Variants in BTN3A3 observed in about 807,000 individuals in gnomAD.
The protein encoded by BTN3A3 is butyrophilin subfamily 3 member A3.
BTN3A3 carries 39 observed loss-of-function variants against 43.2 expected under a neutral mutation model. The ratio of observed to expected loss-of-function variants is 0.90; its 90% CI spans 0.70 to 1.18. The LOEUF (loss-of-function observed/expected upper bound fraction) is 1.18, where lower values mean the gene tolerates loss of function less well. BTN3A3 is among the 50% of genes most tolerant of loss of function. The pLI, the probability that BTN3A3 is intolerant of heterozygous loss-of-function variation, is 0.00. For missense variants in BTN3A3, 631 were observed against 722.8 expected, an observed-to-expected ratio of 0.87 and a Z score of 1.46; for synonymous variants, 255 against 272.7, an observed-to-expected ratio of 0.93 and a Z score of 0.64.
intron 5 of BTN3A3, 59 bp downstream of exon 5, chr6:26,446,044 G>A (rs1386062488): frequency 3.8e-6 from 6 of 1,598,482 alleles, no homozygotes; most frequent in African/African-American, 1.3e-5. Flanking sequence ...TGATGAAGGG[G>A]GATGTGTGAG....
chr6:26,450,251 T>A, intron 10 of BTN3A3, 118 bp downstream of exon 10: 2 of 1,250,500 alleles, frequency 1.6e-6, no homozygotes, highest in Non-Finnish European at 2.3e-6. Flanking sequence ...AAGTTTGGGG[T>A]AGACAACATT....
Position 26,451,656 on chromosome 6 carries a change from C to G in BTN3A3, c.1019-19C>G, listed in dbSNP as rs758679865. On this transcript the variant is annotated intron_variant, in intron 10 of 10. Coordinates refer to ENST00000244519, the MANE Select transcript of BTN3A3 (RefSeq NM_006994.5). ...GAAAAATGGCTGACCCCATGGACAC[C>G]TCCTCAAACTCTCTGCAGCGGATGT... 1 of 1,595,322 alleles carries G rather than the reference C, an allele frequency of 6.3e-7. No individual in the cohort carries two copies. The highest frequency in any genetic ancestry group is 8.5e-7 in the Non-Finnish European group (1 of 1,170,004).
intron 5 of BTN3A3, among the ~76,000 whole-genome samples, chr6:26,446,870 A>G (rs1248832970): frequency 1.3e-5 from 2 of 152,132 alleles, no homozygotes; most frequent in African/African-American, 4.8e-5. Context: ...CTGGGATTAC[A>G]AGCATGCACC....
chr6:26,440,770 CTCTGTG>C (rs1762603057), intron 1 of BTN3A3, 122 bp downstream of exon 1: 1 of 127,374 alleles, frequency 7.9e-6, no homozygotes, highest in Non-Finnish European at 1.6e-5. Context: ...GGTGCAGTGC[CTCTGTG>C]TGTGTGTGTG....
chr6:26,445,280 T>G, intron 4 of BTN3A3: 1 of 179,858 alleles, frequency 5.6e-6, no homozygotes, highest in Admixed American at 5.3e-5. Context: ...TGGCTTCTGG[T>G]TGGGTTTGGT....
At chr6:26,446,855 A>C (rs778036940) in intron 5 of BTN3A3, among the ~76,000 whole-genome samples, 5 of 152,048 alleles carry the variant, frequency 3.3e-5, no homozygotes, top group Non-Finnish European at 5.9e-5. Context: ...CAGCCTCCCC[A>C]GTAGCTGGGA....
intron 8 of BTN3A3, 102 bp downstream of exon 8, chr6:26,448,856 A>T: frequency 7.1e-7 from 1 of 1,404,158 alleles, no homozygotes; most frequent in Non-Finnish European, 1.0e-6. Context: ...GGGTTGAAAA[A>T]TGGTCCTAGA....
intron 5 of BTN3A3, 44 bp from the exon 6 acceptor site, chr6:26,448,204 C>T (rs370475314): frequency 1.3e-6 from 2 of 1,599,218 alleles, no homozygotes; most frequent in Non-Finnish European, 1.7e-6. Flanking sequence ...GCTGGGGAGG[C>T]TGAGTGCACT....
At position 26,452,256 on chromosome 6, in the gene BTN3A3, A is replaced by G. The variant is rs1202424600; in HGVS notation, c.1600A>G (p.Thr534Ala). Residue 534 changes from threonine (T) to alanine (A), a missense_variant, in exon 11 of 11, where the codon ACA becomes GCA. Thr to Ala is a moderately conservative substitution (Grantham distance 58). Coordinates refer to ENST00000244519, the MANE Select transcript of BTN3A3 (RefSeq NM_006994.5). ...CCTAGTGCCTGATCATTCCCTGGAG[A>G]CACCACTGACCCCGGGCTTAGCTAA... The part of the protein sequence containing the change: ...PDLVPDHSLE[T>A]PLTPGLANES... 4 of 1,614,106 alleles carry G rather than the reference A, an allele frequency of 2.5e-6. No homozygotes were observed. The highest frequency in any genetic ancestry group is 1.7e-5 in the Admixed American group (1 of 60,004).
In BTN3A3 at chr6:26,452,151, T is replaced by C. The variant is rs1266458332; in HGVS notation, c.1495T>C (p.Phe499Leu). ...ASFSEPLYPV[F>L]RILTLEPTAL... ...TTTCTCTGAGCCTCTATATCCTGTT[T>C]TCAGAATTTTGACCTTGGAGCCCAC... Residue 499 changes from phenylalanine to leucine, a missense_variant, in exon 11 of 11, where the codon TTC becomes CTC. Phe to Leu is a conservative substitution (Grantham distance 22, BLOSUM62 0). Coordinates refer to ENST00000244519, the MANE Select transcript of BTN3A3 (RefSeq NM_006994.5). 6.2e-7 allele frequency: 1 copy of C among 1,614,140 alleles called. No individual in the cohort carries two copies. Among genetic ancestry groups the C allele is most frequent in the Non-Finnish European group, 8.5e-7 (1 of 1,180,028 alleles).
chr6:26,449,495 T>C, intron 8 of BTN3A3, 167 bp from the exon 9 acceptor site: 1 of 713,678 alleles, frequency 1.4e-6, no homozygotes, highest in Non-Finnish European at 2.4e-6. Context: ...TTCCCAGACT[T>C]GATATTAAGA....
rs566425229 is a variant in BTN3A3 at position 26,451,697 on chromosome 6, C to T, written c.1041C>T (p.Asp347=). The T allele has an allele frequency of 9.3e-6, 15 of 1,612,872 alleles. No individual in the cohort carries two copies. The Admixed American group carries it at 2.3e-4, about 25-fold the overall frequency. The change falls in exon 11 of 11, where the codon GAC becomes GAT. Residue 347 remains aspartate, a synonymous_variant. Transcript: ENST00000244519. ...CAGCGGATGTGATTCTGGATCCAGA[C>T]ACGGCAAACGCCATCCTCCTTGTTT... The part of the protein sequence containing the change: ...FKPADVILDP[D]TANAILLVSE...
In BTN3A3 at chr6:26,448,241, T is replaced by G. The variant is rs1369483309; in HGVS notation, c.716-7T>G. On this transcript the variant is annotated splice_region_variant and splice_polypyrimidine_tract_variant and intron_variant, in intron 5 of 10. Transcript: ENST00000244519. ...GCTCCCATGACCCACAGCTCTCCCC[T>G]TCGCAGACCCCTTCTTCAGGAGCGC... 1 of 1,612,538 alleles carries G rather than the reference T, an allele frequency of 6.2e-7. No homozygotes were observed. Among genetic ancestry groups the G allele is most frequent in the South Asian group, 1.1e-5 (1 of 90,994 alleles).
In BTN3A3 at chr6:26,444,209, T is replaced by C; in HGVS notation, c.338T>C (p.Ile113Thr). ...GITAGKAALR[I>T]HNVTASDSGK... ...ACTGCAGGGAAGGCTGCTCTCCGAA[T>C]ACACAACGTCACAGCCTCTGACAGT... Residue 113 changes from isoleucine to threonine, a missense_variant, in exon 4 of 11, where the codon ATA (isoleucine) becomes ACA (threonine). Physicochemically the swap from Ile to Thr is moderately conservative, Grantham distance 89. Coordinates refer to ENST00000244519, the MANE Select transcript of BTN3A3 (RefSeq NM_006994.5). 3 of 1,612,080 alleles carry C rather than the reference T, an allele frequency of 1.9e-6. No homozygotes were observed. Among genetic ancestry groups the C allele is most frequent in the Non-Finnish European group, 2.5e-6 (3 of 1,179,868 alleles).
At chr6:26,442,155 C>T (rs1762653767) in intron 1 of BTN3A3, among the ~76,000 whole-genome samples, 1 of 152,172 alleles carries the variant, frequency 6.6e-6, no homozygotes, top group Admixed American at 6.5e-5. Context: ...TTCTCAGAGG[C>T]CATTCCCAGA....
intron 1 of BTN3A3, 86 bp from the exon 2 acceptor site, chr6:26,443,296 G>C (rs984589207): frequency 1.0e-4 from 47 of 469,306 alleles, no homozygotes; most frequent in Non-Finnish European, 1.2e-4. Flanking sequence ...GAAGTGTGGG[G>C]AAGTGATAGG....
rs139835450 is a variant in BTN3A3 at position 26,451,808 on chromosome 6, C to G, written c.1152C>G (p.Val384=). 9.6e-4 allele frequency: 1,542 copies of G among 1,611,578 alleles called. 6 individuals are homozygous for G. The highest frequency in any genetic ancestry group is 2.5e-3 in the Admixed American group (148 of 59,944). ...AGAGATTTGAATGGCGTTACTGTGT[C>G]CTTGGCTGTGAAAACTTCACATCAG... The part of the protein sequence containing the change: ...NPERFEWRYC[V]LGCENFTSGR... The change falls in exon 11 of 11, where the codon GTC becomes GTG. Residue 384 remains valine, a synonymous_variant. Transcript: ENST00000244519.
chr6:26,445,815 C>T lies in BTN3A3; in HGVS notation c.545C>T (p.Thr182Ile), dbSNP rs1762761906. The T allele has an allele frequency of 6.2e-7, 1 of 1,614,182 alleles. No homozygotes were observed. The highest frequency in any genetic ancestry group is 1.1e-5 in the South Asian group (1 of 91,084). Residue 182 changes from threonine to isoleucine, a missense_variant, in exon 5 of 11, where the codon ACC becomes ATC. By Grantham distance (89) the Thr-to-Ile change is moderately conservative (BLOSUM62 -1). Coordinates refer to ENST00000244519, the MANE Select transcript of BTN3A3 (RefSeq NM_006994.5). ...CAACCCCAAATAAAGTGGAGCGACACCAAGGGAGAGAACATCCCGGCTGTG... is the reference window on the plus strand; with the variant it reads ...CAACCCCAAATAAAGTGGAGCGACATCAAGGGAGAGAACATCCCGGCTGTG... ...YPQPQIKWSD[T>I]KGENIPAVEA...
At chr6:26,446,612 T>C (rs1402482078) in intron 5 of BTN3A3, among the ~76,000 whole-genome samples, 1 of 152,222 alleles carries the variant, frequency 6.6e-6, no homozygotes, top group Non-Finnish European at 1.5e-5. Flanking sequence ...TAGCACAAGC[T>C]CTATTGGGGG....
Sources: allele counts gnomAD v4.1 joint callset (sites outside exome capture counted in the v4.1 genomes callset), GRCh38; gene constraint gnomAD v4.1.1; transcripts MANE v1.5; gene names NCBI Gene and HGNC (gene_info 2026-07-23, HGNC 2026-07-21).